GRM7: variants seen among roughly 807,000 people sequenced by gnomAD.
GRM7 encodes the protein glutamate metabotropic receptor 7.
GRM7 carries 35 observed loss-of-function variants against 84.5 expected under a neutral mutation model. The ratio of observed to expected loss-of-function variants is 0.41; its 90% CI spans 0.32 to 0.55. The LOEUF (loss-of-function observed/expected upper bound fraction) is 0.55, where lower values mean the gene tolerates loss of function less well. Among genes scored for constraint, GRM7 ranks in the 20% least tolerant of loss-of-function variants. GRM7 has a pLI of 0.19. For synonymous variants in GRM7, 487 were observed against 455.1 expected, an observed-to-expected ratio of 1.07 and a Z score of -0.89; for missense variants, 1,003 against 1,194.6, an observed-to-expected ratio of 0.84 and a Z score of 2.36.
At chr3:7,651,805 T>A (rs1698952893) in intron 8 of GRM7, among the ~76,000 whole-genome samples, 1 of 152,120 alleles carries the variant, frequency 6.6e-6, no homozygotes, top group Non-Finnish European at 1.5e-5. Flanking sequence ...ATGGATGTGG[T>A]CCGAAGTCCA....
chr3:7,375,274 A>G (rs973584059), intron 4 of GRM7, among the ~76,000 whole-genome samples: 2 of 141,464 alleles, frequency 1.4e-5, no homozygotes, highest in East Asian at 2.1e-4. Flanking sequence ...GCCAAAGTGC[A>G]GTAGTATGAT....
At chr3:7,543,949 CT>C (rs986607793) in intron 7 of GRM7, among the ~76,000 whole-genome samples, 3 of 152,262 alleles carry the variant, frequency 2.0e-5, no homozygotes, top group Admixed American at 2.0e-4. Context: ...TTAATCAGAG[CT>C]TTTCACTATT....
intron 1 of GRM7, among the ~76,000 whole-genome samples, chr3:7,018,761 G>C (rs951298143): frequency 6.6e-6 from 1 of 152,330 alleles, no homozygotes; most frequent in African/African-American, 2.4e-5. Context: ...TATATATTAG[G>C]CAATGCCAAT....
At chr3:6,989,345 A>G (rs1043645270) in intron 1 of GRM7, among the ~76,000 whole-genome samples, 2 of 152,230 alleles carry the variant, frequency 1.3e-5, no homozygotes, top group African/African-American at 4.8e-5. Context: ...GCATTTTTTT[A>G]AAGGTTATCC....
At chr3:7,263,760 G>A (rs568449455) in intron 2 of GRM7, among the ~76,000 whole-genome samples, 4 of 152,210 alleles carry the variant, frequency 2.6e-5, no homozygotes, top group African/African-American at 7.2e-5. Flanking sequence ...CCAGGGACAG[G>A]GCTGGTGCTC....
At chr3:7,701,487 T>C (rs925955772) in intron 9 of GRM7, among the ~76,000 whole-genome samples, 1 of 152,082 alleles carries the variant, frequency 6.6e-6, no homozygotes, top group East Asian at 1.9e-4. Context: ...TATGTTTTAG[T>C]AGAGACAGGG....
intron 1 of GRM7, among the ~76,000 whole-genome samples, chr3:6,927,150 G>T (rs1697326469): frequency 6.6e-6 from 1 of 152,048 alleles, no homozygotes; most frequent in South Asian, 2.1e-4. Context: ...AAATGAAGCT[G>T]GGCATGGTGG....
At chr3:6,953,473 T>G (rs538910679) in intron 1 of GRM7, among the ~76,000 whole-genome samples, 1 of 152,344 alleles carries the variant, frequency 6.6e-6, no homozygotes, top group African/African-American at 2.4e-5. Context: ...CTTTGGTCTT[T>G]TAACCCCTTC....
In GRM7 at chr3:7,276,243, GTGTGTGTA is replaced by G. The variant is rs1248737337; in HGVS notation, c.737-22439_737-22432del. On this transcript the variant is annotated intron_variant, in intron 2 of 9. Coordinates refer to ENST00000357716, the MANE Select transcript of GRM7 (RefSeq NM_000844.4). ...TGTGTGTGTGTGTGTGTGTGTGTGT[GTGTGTGTA>G]TATATAATTGTCCTCTCAATGTAGA... Among the ~76,000 whole-genome samples the G allele has an allele frequency of 2.8e-3, 428 of 150,276 alleles. 1 individual carries two copies. Among genetic ancestry groups the G allele is most frequent in the African/African-American group, 9.2e-3 (374 of 40,722 alleles).
chr3:7,558,908 T>C (rs1054260621), intron 7 of GRM7, among the ~76,000 whole-genome samples: 2 of 152,122 alleles, frequency 1.3e-5, no homozygotes, highest in Non-Finnish European at 2.9e-5. Flanking sequence ...AATATGGCCA[T>C]TGAAATCTGG....
intron 1 of GRM7, among the ~76,000 whole-genome samples, chr3:7,119,261 T>C (rs1693141242): frequency 6.6e-6 from 1 of 152,110 alleles, no homozygotes; most frequent in Non-Finnish European, 1.5e-5. Flanking sequence ...GAGATGGGTT[T>C]TTGTCTGTAA....
chr3:7,712,220 T>G lies in GRM7; in HGVS notation c.2699-28137T>G, dbSNP rs534484498. Among the ~76,000 whole-genome samples, 5 of 152,258 alleles carry G rather than the reference T, an allele frequency of 3.3e-5. 1 individual carries two copies. The East Asian group carries it at 9.7e-4, about 29-fold the overall frequency. On this transcript the variant is annotated intron_variant, in intron 9 of 9. Transcript: ENST00000357716. Reference sequence around the variant, plus strand: ...CTTTCTAGGCCTCACTTTTCACAATTATAAAAATGAATGAAAGTAAACCAC... The same window carrying G: ...CTTTCTAGGCCTCACTTTTCACAATGATAAAAATGAATGAAAGTAAACCAC...
At chr3:7,417,892 A>G (rs1696238295) in intron 5 of GRM7, among the ~76,000 whole-genome samples, 1 of 152,158 alleles carries the variant, frequency 6.6e-6, no homozygotes, top group African/African-American at 2.4e-5. Context: ...ATGAGGGATG[A>G]GACCCATACT....
At chr3:7,050,754 G>C (rs1010099459) in intron 1 of GRM7, among the ~76,000 whole-genome samples, 1 of 151,810 alleles carries the variant, frequency 6.6e-6, no homozygotes, top group Non-Finnish European at 1.5e-5. Context: ...GTTTCATATG[G>C]TCATCAGTCA....
At chr3:7,070,754 A>G (rs950187115) in intron 1 of GRM7, among the ~76,000 whole-genome samples, 3 of 152,122 alleles carry the variant, frequency 2.0e-5, no homozygotes, top group African/African-American at 7.2e-5. Flanking sequence ...CTTTGTGACA[A>G]TGCAAGTTGA....
At chr3:7,064,473 T>TACAC (rs1247589387) in intron 1 of GRM7, among the ~76,000 whole-genome samples, 2 of 95,642 alleles carry the variant, frequency 2.1e-5, no homozygotes, top group East Asian at 2.7e-4. Flanking sequence ...CATATATATA[T>TACAC]ATATATACAC....
At chr3:7,620,561 G>A (rs779699977) in intron 8 of GRM7, among the ~76,000 whole-genome samples, 3 of 152,106 alleles carry the variant, frequency 2.0e-5, no homozygotes, top group Admixed American at 1.3e-4. Flanking sequence ...TTAATTTATA[G>A]TTACACCATA....
chr3:7,562,346 T>C (rs1316191507), intron 7 of GRM7, among the ~76,000 whole-genome samples: 3 of 149,244 alleles, frequency 2.0e-5, no homozygotes, highest in African/African-American at 5.0e-5. Context: ...CTTTCCCCCT[T>C]ATATTTTTTT....
chr3:7,592,104 A>ATG (rs1291201208), intron 8 of GRM7, among the ~76,000 whole-genome samples: 7 of 152,168 alleles, frequency 4.6e-5, no homozygotes, highest in Non-Finnish European at 1.0e-4. Context: ...ATATATATAT[A>ATG]TGTGTGTGTA....
Sources: gnomAD v4.1 joint callset for allele counts (sites outside exome capture counted in the v4.1 genomes callset) on GRCh38, gnomAD v4.1.1 for gene constraint, MANE v1.5 for transcripts, NCBI Gene and HGNC (gene_info 2026-07-23, HGNC 2026-07-21) for gene names.